WDR20: variants seen among roughly 807,000 people sequenced by gnomAD.
The protein encoded by WDR20 is WD repeat-containing protein 20.
WDR20 carries 3 observed loss-of-function variants against 38.7 expected under a neutral mutation model. The ratio of observed to expected loss-of-function variants is 0.08; its 90% CI spans 0.04 to 0.20. The LOEUF is 0.20. Ranked by LOEUF, WDR20 falls within the 10% of genes least tolerant of loss-of-function variation. The probability of loss-of-function intolerance (pLI) is 1.00; values close to 1 mark genes in which losing one functional copy is unlikely to be tolerated. For synonymous variants in WDR20, 298 were observed against 285.6 expected (o/e 1.04, Z -0.44); for missense variants, 559 against 727.7 (o/e 0.77, Z 2.67).
downstream of WDR20, among the ~76,000 whole-genome samples, chr14:102,217,056 AGG>A (rs2063308674): frequency 6.6e-6 from 1 of 152,212 alleles, no homozygotes; most frequent in South Asian, 2.1e-4. Context: ...CACCCCTTCC[AGG>A]GTCAGTGGCC....
intron 2 of WDR20, among the ~76,000 whole-genome samples, chr14:102,206,774 G>T (rs1703229621): frequency 1.3e-5 from 2 of 152,136 alleles, no homozygotes; most frequent in Non-Finnish European, 2.9e-5. Flanking sequence ...GAGTGCTGGG[G>T]TAGTCTGGGC....
intron 2 of WDR20, among the ~76,000 whole-genome samples, chr14:102,200,467 T>TTTTTTG (rs748066838): frequency 1.3e-3 from 155 of 117,764 alleles, no homozygotes; most frequent in Non-Finnish European, 1.8e-3. Flanking sequence ...ATTTTTTTTT[T>TTTTTTG]TGTGTGTGTG....
intron 1 of WDR20, among the ~76,000 whole-genome samples, chr14:102,162,928 A>G (rs1040752229): frequency 1.3e-5 from 2 of 152,130 alleles, no homozygotes; most frequent in African/African-American, 2.4e-5. Flanking sequence ...TAATCTTTCA[A>G]AATCCCTTTC....
At chr14:102,200,571 G>T (rs963524723) in intron 2 of WDR20, among the ~76,000 whole-genome samples, 16 of 151,896 alleles carry the variant, frequency 1.1e-4, no homozygotes, top group African/African-American at 3.9e-4. Flanking sequence ...TGGGGAGGAA[G>T]AGTTACAAAG....
intron 1 of WDR20, among the ~76,000 whole-genome samples, chr14:102,180,413 G>A (rs780413630): frequency 2.6e-5 from 4 of 152,160 alleles, no homozygotes; most frequent in Non-Finnish European, 4.4e-5. Context: ...TGTCTTGCAC[G>A]TTTTCAACCA....
At chr14:102,148,626 A>AT (rs1261833263) in intron 1 of WDR20, among the ~76,000 whole-genome samples, 2 of 150,682 alleles carry the variant, frequency 1.3e-5, no homozygotes, top group East Asian at 3.9e-4. Context: ...ATTGTGGCGG[A>AT]TGTGAAGTGT....
chr14:102,140,280 C>T, intron 1 of WDR20, 108 bp downstream of exon 1: 8 of 1,506,870 alleles, frequency 5.3e-6, no homozygotes, highest in Admixed American at 2.0e-5. Context: ...GTCGCTCTTA[C>T]TTTTGAGTGG....
At chr14:102,192,176 C>T (rs1415256702) in intron 1 of WDR20, among the ~76,000 whole-genome samples, 1 of 151,660 alleles carries the variant, frequency 6.6e-6, no homozygotes, top group Non-Finnish European at 1.5e-5. Context: ...AGAATATTTA[C>T]CTGAATTTTT....
In WDR20 at chr14:102,197,998, G is replaced by A. The variant is rs536892367; in HGVS notation, c.432+2878G>A. On this transcript the variant is annotated intron_variant, in intron 2 of 2. Coordinates refer to ENST00000342702, the MANE Select transcript of WDR20 (RefSeq NM_144574.4). ...CTCAGGAGGGAAGAGAGGTATAATA[G>A]CACCACCCCCGAAACACTGGTGACC... The A allele has an allele frequency of 1.6e-5, 8 of 502,028 alleles. No homozygotes were observed. In the East Asian group the frequency reaches 2.1e-4, roughly 13 times the overall value. 31.1% of individuals were successfully genotyped at this position (502,028 alleles called of 1,614,324 possible). A position where few individuals can be genotyped will look rare whatever the true frequency, so the allele number is the denominator to read the frequency against.
downstream of WDR20, among the ~76,000 whole-genome samples, chr14:102,224,276 G>A (rs1350569629): frequency 1.3e-5 from 2 of 151,796 alleles, no homozygotes; most frequent in African/African-American, 4.8e-5. Context: ...TCCTGACCTC[G>A]TGATCCGCCT....
At chr14:102,153,004 G>A (rs2056424606) in intron 1 of WDR20, among the ~76,000 whole-genome samples, 1 of 152,162 alleles carries the variant, frequency 6.6e-6, no homozygotes, top group Non-Finnish European at 1.5e-5. Context: ...TAGTATTGGA[G>A]GTGGGGCCTG....
chr14:102,167,566 A>G (rs749969903), intron 1 of WDR20: 11 of 152,086 alleles, frequency 7.2e-5, no homozygotes, highest in African/African-American at 1.7e-4. Context: ...ATGTGCTTCT[A>G]TTCCTCACTC....
At chr14:102,177,362 G>A (rs955508053) in intron 1 of WDR20, among the ~76,000 whole-genome samples, 1 of 152,132 alleles carries the variant, frequency 6.6e-6, no homozygotes, top group African/African-American at 2.4e-5. Context: ...AAAAACATCG[G>A]TATTTGTCCC....
chr14:102,171,898 T>C (rs2060901206), intron 1 of WDR20, among the ~76,000 whole-genome samples: 1 of 149,690 alleles, frequency 6.7e-6, no homozygotes, highest in Non-Finnish European at 1.5e-5. Flanking sequence ...TGTTTTTTTG[T>C]TTGTTTTCCT....
In WDR20 at chr14:102,162,583, CTCTT is replaced by C. The variant is rs144899834; in HGVS notation, c.249+22421_249+22424del. ...AATCTTTCTTTCTTTTTCTCTCTCT[CTCTT>C]TCTTTCTTTTTCTTTCTTTCTCTTG... On this transcript the variant is annotated intron_variant, in intron 1 of 2. Coordinates refer to ENST00000342702, the MANE Select transcript of WDR20 (RefSeq NM_144574.4). Among the ~76,000 whole-genome samples, 1,039 of 150,084 alleles carry C rather than the reference CTCTT, an allele frequency of 6.9e-3. 12 individuals are homozygous for C. The highest frequency in any genetic ancestry group is 0.024 in the African/African-American group (982 of 41,358).
At chr14:102,211,764 A>G (rs902314587), downstream of WDR20, among the ~76,000 whole-genome samples, 1 of 152,252 alleles carries the variant, frequency 6.6e-6, no homozygotes, top group Non-Finnish European at 1.5e-5. This position sits in a 1 kb window ranked among gnomAD's most constrained non-coding sequence, Gnocchi z 4.2. Context: ...TTGCACCTAC[A>G]TAGTTGTAAA....
rs1468286585 is a variant in WDR20, at chr14:102,208,989, T to G, written c.819T>G (p.Asp273Glu). The G allele has an allele frequency of 6.2e-7, 1 of 1,614,192 alleles. No homozygotes were observed. Among genetic ancestry groups the G allele is most frequent in the African/African-American group, 1.3e-5 (1 of 75,048 alleles). The change falls in exon 3 of 3, where the codon GAT (aspartate) becomes GAG (glutamate). Residue 273 changes from aspartate to glutamate, a missense_variant. Coordinates refer to ENST00000342702, the MANE Select transcript of WDR20 (RefSeq NM_144574.4). This position sits in a 1 kb window ranked among gnomAD's most constrained non-coding sequence, Gnocchi z 5.6. The part of the protein sequence containing the change: ...GGLLCVCWSP[D>E]GKYIVTGGED... ...TGCTGTGTGTGTGCTGGAGCCCGGATGGCAAGTACATCGTGACAGGTGGGG... is the reference window on the plus strand; with the variant it reads ...TGCTGTGTGTGTGCTGGAGCCCGGAGGGCAAGTACATCGTGACAGGTGGGG...
rs1275926064 is a variant in WDR20 at position 102,143,183 on chromosome 14, C to A, written c.249+3011C>A. Among the ~76,000 whole-genome samples, 4 of 152,276 alleles carry A rather than the reference C, an allele frequency of 2.6e-5. No homozygotes were observed. The East Asian group carries it at 7.7e-4, about 29-fold the overall frequency. On this transcript the variant is annotated intron_variant, in intron 1 of 2. Coordinates refer to ENST00000342702, the MANE Select transcript of WDR20 (RefSeq NM_144574.4). Reference sequence around the variant, plus strand: ...TAAGGAAAATGAAGCACAGCTGAGTCTAAACCAGCTTAGAAGAGACTGATC... The same window carrying A: ...TAAGGAAAATGAAGCACAGCTGAGTATAAACCAGCTTAGAAGAGACTGATC...
chr14:102,219,938 GT>G (rs2063698841), downstream of WDR20, among the ~76,000 whole-genome samples: 1 of 152,222 alleles, frequency 6.6e-6, no homozygotes, highest in Admixed American at 6.5e-5. Context: ...CATGAAGGTG[GT>G]TCTAGTTGGC....
Sources: allele counts gnomAD v4.1 joint callset (sites outside exome capture counted in the v4.1 genomes callset), GRCh38; gene constraint gnomAD v4.1.1; non-coding constraint Gnocchi (gnomAD v3.1); transcripts MANE v1.5; gene names NCBI Gene and HGNC (gene_info 2026-07-23, HGNC 2026-07-21).